The following RASGEF1C variants were observed in gnomAD, a reference collection of about 807,000 sequenced individuals.
RASGEF1C encodes the protein ras-GEF domain-containing family member 1C.
Under a neutral mutation model 58.1 loss-of-function variants are expected in RASGEF1C, and 27 were observed. The observed-to-expected ratio is 0.46, with a 90% CI of 0.34 to 0.64. The LOEUF is 0.64. Ranked by LOEUF, RASGEF1C falls within the 30% of genes least tolerant of loss-of-function variation. The pLI, the probability that RASGEF1C is intolerant of heterozygous loss-of-function variation, is 0.01. For synonymous variants in RASGEF1C, 243 were observed against 246.3 expected, an observed-to-expected ratio of 0.99 and a Z score of 0.13; for missense variants, 502 against 605.1, an observed-to-expected ratio of 0.83 and a Z score of 1.79.
intron 10 of RASGEF1C, 25 bp from the exon 11 acceptor site, chr5:180,114,566 G>T: frequency 6.3e-7 from 1 of 1,592,274 alleles, no homozygotes. Flanking sequence ...GGGCAGGTCG[G>T]CCCCAGCCGG....
At chr5:180,180,694 C>T (rs1431093661) in intron 1 of RASGEF1C, among the ~76,000 whole-genome samples, 4 of 152,240 alleles carry the variant, frequency 2.6e-5, no homozygotes, top group African/African-American at 4.8e-5. Flanking sequence ...TCCAGCTTCT[C>T]TTTTCAGCCA....
At chr5:180,204,008 A>AAC (rs113354996) in intron 1 of RASGEF1C, among the ~76,000 whole-genome samples, 19 of 140,960 alleles carry the variant, frequency 1.3e-4, no homozygotes, top group Non-Finnish European at 1.9e-4. Flanking sequence ...ACAAACAAAC[A>AAC]AACAACAACA....
chr5:180,132,661 C>T (rs1311082243), intron 4 of RASGEF1C, among the ~76,000 whole-genome samples: 1 of 152,176 alleles, frequency 6.6e-6, no homozygotes, highest in East Asian at 1.9e-4. Context: ...CCAGACAGTC[C>T]GTGTGGGCGA....
chr5:180,107,298 TTGTC>T (rs2113236457), intron 12 of RASGEF1C, among the ~76,000 whole-genome samples: 1 of 152,208 alleles, frequency 6.6e-6, no homozygotes, highest in East Asian at 1.9e-4. Flanking sequence ...GTCTGCCTTT[TTGTC>T]TATTTTTTTG....
At chr5:180,136,599 CGCCCGGGGCAGGCA>C in intron 3 of RASGEF1C, 84 bp from the exon 4 acceptor site, 4 of 1,447,288 alleles carry the variant, frequency 2.8e-6, no homozygotes, top group Non-Finnish European at 3.7e-6. Context: ...CGGGTCTGGC[CGCCCGGGGCAGGCA>C]GGGCCTCGTG....
chr5:180,121,382 C>T (rs974181278), intron 6 of RASGEF1C, among the ~76,000 whole-genome samples: 3 of 151,368 alleles, frequency 2.0e-5, no homozygotes, highest in South Asian at 2.1e-4. Flanking sequence ...GGCGCGATCT[C>T]GGCTCACTGC....
At chr5:180,207,676 C>G (rs556948474) in intron 1 of RASGEF1C, among the ~76,000 whole-genome samples, 2 of 152,146 alleles carry the variant, frequency 1.3e-5, no homozygotes, top group East Asian at 3.9e-4. Flanking sequence ...CCCGCCGCCA[C>G]GGGCAGCCTT....
chr5:180,127,365 C>T (rs1231122189), intron 6 of RASGEF1C, among the ~76,000 whole-genome samples: 1 of 152,240 alleles, frequency 6.6e-6, no homozygotes, highest in East Asian at 1.9e-4. Context: ...CCCACTCCTC[C>T]TCCCTCGCTG....
chr5:180,171,732 C>T (rs1014545414), intron 1 of RASGEF1C, among the ~76,000 whole-genome samples: 4 of 152,234 alleles, frequency 2.6e-5, no homozygotes, highest in African/African-American at 9.6e-5. Flanking sequence ...CCCTTCGGCA[C>T]TCTGGAGAAC....
intron 11 of RASGEF1C, 90 bp downstream of exon 11, chr5:180,114,356 A>G: frequency 7.8e-7 from 1 of 1,280,654 alleles, no homozygotes; most frequent in Non-Finnish European, 1.1e-6. Flanking sequence ...AGGGTCCCCC[A>G]TGAGGCTGGG....
intron 1 of RASGEF1C, among the ~76,000 whole-genome samples, chr5:180,194,505 G>A (rs1756230523): frequency 6.6e-6 from 1 of 152,196 alleles, no homozygotes; most frequent in African/African-American, 2.4e-5. Flanking sequence ...CAAGTCCCGG[G>A]AGCAGCTGTC....
At chr5:180,134,045 T>A (rs1339126981) in intron 4 of RASGEF1C, among the ~76,000 whole-genome samples, 1 of 152,146 alleles carries the variant, frequency 6.6e-6, no homozygotes, top group Non-Finnish European at 1.5e-5. Context: ...CCAGTCCGGA[T>A]CTGGGTGGGC....
chr5:180,126,019 A>C (rs1766251282), intron 6 of RASGEF1C, among the ~76,000 whole-genome samples: 2 of 152,312 alleles, frequency 1.3e-5, no homozygotes, highest in Admixed American at 1.3e-4. Context: ...GTTCATCTAC[A>C]GTAGGGGGAT....
intron 1 of RASGEF1C, among the ~76,000 whole-genome samples, chr5:180,160,103 G>T (rs975579681): frequency 6.6e-6 from 1 of 152,224 alleles, no homozygotes; most frequent in Admixed American, 6.5e-5. Flanking sequence ...CACGGAAGGT[G>T]CACCAGTGGA....
rs903554181 is a variant in RASGEF1C at position 180,155,656 on chromosome 5, C to T, written c.-6-17598G>A. ...GGCAGATTGGCCACTAAATATAGAGCTCTCCCAAGAGGGCAAGTCAGCCTC... is the reference window on the plus strand; with the variant it reads ...GGCAGATTGGCCACTAAATATAGAGTTCTCCCAAGAGGGCAAGTCAGCCTC... On this transcript the variant is annotated intron_variant, in intron 1 of 13. Coordinates refer to ENST00000361132, the MANE Select transcript of RASGEF1C (RefSeq NM_175062.4). The surrounding 1 kb of genome is among the most constrained non-coding windows in gnomAD (Gnocchi z 5.2). 3.3e-5 allele frequency among the ~76,000 whole-genome samples: 5 copies of T among 152,078 alleles called. No individual in the cohort carries two copies. Among genetic ancestry groups the T allele is most frequent in the South Asian group, 2.1e-4 (1 of 4,828 alleles).
chr5:180,184,722 A>G (rs1420381693), intron 1 of RASGEF1C, among the ~76,000 whole-genome samples: 1 of 152,272 alleles, frequency 6.6e-6, no homozygotes, highest in Non-Finnish European at 1.5e-5. Flanking sequence ...GTATGTAAAA[A>G]GGAAAGAGAG....
chr5:180,179,236 C>T (rs1175899214), intron 1 of RASGEF1C, among the ~76,000 whole-genome samples: 1 of 151,970 alleles, frequency 6.6e-6, no homozygotes, highest in Non-Finnish European at 1.5e-5. Flanking sequence ...AAAGGGAGCA[C>T]TCAGCCCCCG....
At chr5:180,109,284 G>A (rs536844770) in intron 12 of RASGEF1C, among the ~76,000 whole-genome samples, 69 of 152,038 alleles carry the variant, frequency 4.5e-4, no homozygotes, top group African/African-American at 1.4e-3. Context: ...GTGAAACCCC[G>A]TCTCTACTAA....
intron 12 of RASGEF1C, among the ~76,000 whole-genome samples, chr5:180,107,307 T>C (rs1350523313): frequency 6.6e-6 from 1 of 152,174 alleles, no homozygotes; most frequent in East Asian, 1.9e-4. Context: ...TTTGTCTATT[T>C]TTTTGTTTTC....
Sources: allele counts gnomAD v4.1 joint callset (sites outside exome capture counted in the v4.1 genomes callset), GRCh38; gene constraint gnomAD v4.1.1; non-coding constraint Gnocchi (gnomAD v3.1); transcripts MANE v1.5; gene names NCBI Gene and HGNC (gene_info 2026-07-23, HGNC 2026-07-21).